The following ZFAT variants were observed in gnomAD, a reference collection of about 807,000 sequenced individuals.
ZFAT encodes the protein zinc finger and AT-hook domain containing, also known as zinc finger protein ZFAT.
In ZFAT, 64 loss-of-function variants were observed where a neutral mutation model predicts 117.7. The ratio of observed to expected loss-of-function variants is 0.54; its 90% CI spans 0.44 to 0.67. The LOEUF (loss-of-function observed/expected upper bound fraction) is 0.67. ZFAT is among the 30% of genes least tolerant of loss of function. The probability of loss-of-function intolerance (pLI) is 0.00; values close to 1 mark genes in which losing one functional copy is unlikely to be tolerated. For synonymous variants in ZFAT, 679 were observed against 615.0 expected, an observed-to-expected ratio of 1.10 and a Z score of -1.54; for missense variants, 1,433 against 1,584.5, an observed-to-expected ratio of 0.90 and a Z score of 1.62.
At chr8:134,767,664 C>T in the ZFAT span, among the ~76,000 whole-genome samples, 3 of 152,136 alleles carry the variant, frequency 2.0e-5, no homozygotes, top group Non-Finnish European at 4.4e-5. Context: ...TAATGAGATG[C>T]TGTCTCTACA....
At chr8:134,653,087 G>C (rs1301882184) in intron 2 of ZFAT, among the ~76,000 whole-genome samples, 1 of 150,890 alleles carries the variant, frequency 6.6e-6, no homozygotes, top group East Asian at 1.9e-4. Flanking sequence ...AAAAAAATTA[G>C]GACATACAAA....
chr8:134,704,935 C>T (rs899822418), intron 1 of ZFAT, among the ~76,000 whole-genome samples: 1 of 150,708 alleles, frequency 6.6e-6, no homozygotes, highest in African/African-American at 2.4e-5. Flanking sequence ...TTTCTTTGGA[C>T]CTTAAAGTAG....
intron 10 of ZFAT, among the ~76,000 whole-genome samples, chr8:134,569,920 A>G (rs1453989845): frequency 1.3e-5 from 2 of 152,240 alleles, no homozygotes; most frequent in South Asian, 4.1e-4. Flanking sequence ...GTAAGCAGTT[A>G]TAACAGCAGA....
At chr8:134,525,500 T>C (rs886592301) in intron 12 of ZFAT, among the ~76,000 whole-genome samples, 11 of 152,214 alleles carry the variant, frequency 7.2e-5, no homozygotes, top group African/African-American at 2.7e-4. Context: ...TTATACCAGA[T>C]AAACCTCACG....
intron 9 of ZFAT, among the ~76,000 whole-genome samples, chr8:134,584,227 G>C (rs1825910102): frequency 6.6e-6 from 1 of 152,140 alleles, no homozygotes; most frequent in African/African-American, 2.4e-5. Context: ...GGATGCCCTT[G>C]CCTCCTGGTA....
chr8:134,562,127 C>T (rs966396181), intron 11 of ZFAT, among the ~76,000 whole-genome samples: 7 of 152,026 alleles, frequency 4.6e-5, no homozygotes, highest in African/African-American at 1.7e-4. Flanking sequence ...GAGAAGGAGA[C>T]ATGGTGAGAG....
chr8:134,782,287 C>T, the ZFAT span, among the ~76,000 whole-genome samples: 4 of 152,310 alleles, frequency 2.6e-5, no homozygotes, highest in African/African-American at 9.6e-5. Flanking sequence ...CTTGATGTCT[C>T]TAAAATGTAC....
intron 7 of ZFAT, among the ~76,000 whole-genome samples, chr8:134,596,073 G>A (rs561647948): frequency 1.3e-5 from 2 of 152,146 alleles, no homozygotes; most frequent in Non-Finnish European, 2.9e-5. Flanking sequence ...CCCCACGCTG[G>A]TGCAAGGTCT....
intron 2 of ZFAT, among the ~76,000 whole-genome samples, chr8:134,643,032 G>A (rs1023581876): frequency 6.6e-5 from 10 of 152,320 alleles, no homozygotes; most frequent in Middle Eastern, 3.4e-3. Flanking sequence ...CAGCCATATC[G>A]TGGAAATGCC....
chr8:134,552,814 T>A (rs78695417), intron 11 of ZFAT, among the ~76,000 whole-genome samples: 2,176 of 152,316 alleles, frequency 0.014, 52 homozygotes, highest in African/African-American at 0.049. Flanking sequence ...CACTGAAGAA[T>A]CTCCAAAATG....
intron 1 of ZFAT, among the ~76,000 whole-genome samples, chr8:134,668,973 G>A (rs569441642): frequency 6.6e-5 from 10 of 152,280 alleles, no homozygotes; most frequent in East Asian, 1.9e-4. Context: ...TTCAGTAGCC[G>A]ATTCGATCAA....
chr8:134,644,528 A>G (rs1830764720), intron 2 of ZFAT, among the ~76,000 whole-genome samples: 1 of 152,016 alleles, frequency 6.6e-6, no homozygotes, highest in Non-Finnish European at 1.5e-5. Context: ...ATACACAAGC[A>G]CCTATACAAC....
intron 11 of ZFAT, among the ~76,000 whole-genome samples, chr8:134,563,601 G>T (rs1260707710): frequency 6.6e-6 from 1 of 152,200 alleles, no homozygotes; most frequent in African/African-American, 2.4e-5. Context: ...GGTGACTGAA[G>T]TCAGTGGATA....
chr8:134,699,907 G>A (rs958941703), intron 1 of ZFAT, among the ~76,000 whole-genome samples: 3 of 152,230 alleles, frequency 2.0e-5, no homozygotes, highest in African/African-American at 7.2e-5. Context: ...TCAGGCAGAA[G>A]GCTGGCACGC....
At position 134,601,459 on chromosome 8, in the gene ZFAT, G is replaced by A. The variant is rs370860370; in HGVS notation, c.2242+18C>T. ...ATGGTTGTGGACAGGGCCACGCACC[G>A]GCGCTGCCTTTCCTTACCACAGTAT... is the stretch of plus-strand genomic sequence containing the variant. On this transcript the variant is annotated intron_variant, in intron 6 of 15. Transcript: ENST00000377838. 395 of 1,586,930 alleles carry A rather than the reference G, an allele frequency of 2.5e-4. 3 individuals are homozygous for A. The South Asian group carries it at 3.5e-3, about 14-fold the overall frequency.
intron 1 of ZFAT, among the ~76,000 whole-genome samples, chr8:134,691,637 C>A (rs1218935150): frequency 6.6e-6 from 1 of 152,218 alleles, no homozygotes; most frequent in East Asian, 1.9e-4. Flanking sequence ...CTCAGAGAGA[C>A]TTTTCGTAAA....
intron 7 of ZFAT, chr8:134,599,954 A>C (rs1452062012): frequency 2.4e-5 from 9 of 380,342 alleles, no homozygotes; most frequent in Non-Finnish European, 4.6e-5. Flanking sequence ...ATTCTCTCCC[A>C]GAGACTAAAA....
At chr8:134,761,285 T>C in the ZFAT span, among the ~76,000 whole-genome samples, 1 of 151,794 alleles carries the variant, frequency 6.6e-6, no homozygotes, top group Non-Finnish European at 1.5e-5. Context: ...ACTGAGGGTA[T>C]GATGGGAGGG....
intron 15 of ZFAT, among the ~76,000 whole-genome samples, chr8:134,507,311 C>T (rs1819487842): frequency 1.3e-5 from 2 of 152,180 alleles, no homozygotes; most frequent in Non-Finnish European, 1.5e-5. Context: ...GAGCCTGAAA[C>T]ACTTCATTTC....
Sources: gnomAD v4.1 joint callset for allele counts (sites outside exome capture counted in the v4.1 genomes callset) on GRCh38, gnomAD v4.1.1 for gene constraint, MANE v1.5 for transcripts, NCBI Gene and HGNC (gene_info 2026-07-23, HGNC 2026-07-21) for gene names.